Variants in RALYL observed in about 807,000 individuals in gnomAD.
The protein encoded by RALYL is RALY RNA binding protein like.
In RALYL, 29 loss-of-function variants were observed where a neutral mutation model predicts 35.1. The ratio of observed to expected loss-of-function variants is 0.83; its 90% CI spans 0.61 to 1.13. The LOEUF is 1.13. RALYL is among the 50% of genes most tolerant of loss of function. The pLI is 0.00. For synonymous variants in RALYL, 120 were observed against 127.6 expected (o/e 0.94, Z 0.40); for missense variants, 359 against 360.4 (o/e 1.00, Z 0.03).
chr8:84,431,819 C>A (rs1036683204), intron 1 of RALYL, among the ~76,000 whole-genome samples: 12 of 152,082 alleles, frequency 7.9e-5, no homozygotes, highest in Non-Finnish European at 1.3e-4. Flanking sequence ...GATTTCATAT[C>A]TTGGCTAATG....
At chr8:84,308,637 C>T (rs1457984416) in intron 1 of RALYL, among the ~76,000 whole-genome samples, 1 of 152,044 alleles carries the variant, frequency 6.6e-6, no homozygotes, top group Non-Finnish European at 1.5e-5. Context: ...AATTGTATTA[C>T]CCCATGGATT....
intron 2 of RALYL, among the ~76,000 whole-genome samples, chr8:84,663,613 G>T (rs965069028): frequency 6.6e-6 from 1 of 152,056 alleles, no homozygotes; most frequent in African/African-American, 2.4e-5. Flanking sequence ...CTGCATGCAT[G>T]TCTTCTTTTG....
intron 3 of RALYL, among the ~76,000 whole-genome samples, chr8:84,776,365 T>G (rs1816844944): frequency 6.6e-6 from 1 of 152,206 alleles, no homozygotes; most frequent in African/African-American, 2.4e-5. Context: ...ATAATTTCTC[T>G]TATTTTGGTT....
chr8:84,438,037 G>A (rs917214966), intron 1 of RALYL, among the ~76,000 whole-genome samples: 14 of 152,138 alleles, frequency 9.2e-5, no homozygotes, highest in Admixed American at 9.2e-4. Context: ...TCCTGTATTT[G>A]TTGGCCATTG....
chr8:84,802,602 AAAAG>A (rs139199262), intron 3 of RALYL, among the ~76,000 whole-genome samples: 1 of 152,158 alleles, frequency 6.6e-6, no homozygotes, highest in Admixed American at 6.5e-5. Flanking sequence ...CCTTCAAAAA[AAAAG>A]AGAGAGAGAG....
chr8:84,722,797 T>C (rs894424684), intron 2 of RALYL, among the ~76,000 whole-genome samples: 1 of 149,462 alleles, frequency 6.7e-6, no homozygotes, highest in Non-Finnish European at 1.5e-5. Flanking sequence ...GATATATACA[T>C]ATATATATAT....
At chr8:84,296,801 A>G (rs1001331688) in intron 1 of RALYL, among the ~76,000 whole-genome samples, 13 of 151,956 alleles carry the variant, frequency 8.6e-5, no homozygotes, top group Non-Finnish European at 1.6e-4. Context: ...TGGTGGGGAC[A>G]TGCATACACT....
chr8:84,784,740 T>C (rs1185399937), intron 3 of RALYL, among the ~76,000 whole-genome samples: 1 of 152,118 alleles, frequency 6.6e-6, no homozygotes, highest in Admixed American at 6.6e-5. Flanking sequence ...TTATAAGTAC[T>C]AGAAGTGAAG....
intron 1 of RALYL, among the ~76,000 whole-genome samples, chr8:84,260,587 T>TA (rs1197824339): frequency 6.6e-6 from 1 of 152,162 alleles, no homozygotes; most frequent in Non-Finnish European, 1.5e-5. Flanking sequence ...GTCAAGTCAC[T>TA]AGCCCAGCTC....
intron 1 of RALYL, among the ~76,000 whole-genome samples, chr8:84,403,809 C>T (rs1023110856): frequency 1.3e-5 from 2 of 151,970 alleles, no homozygotes; most frequent in Non-Finnish European, 2.9e-5. Flanking sequence ...TTCTTCCTAT[C>T]CATGAGCATG....
chr8:84,290,503 G>T (rs2132219209), intron 1 of RALYL, among the ~76,000 whole-genome samples: 1 of 151,708 alleles, frequency 6.6e-6, no homozygotes, highest in Middle Eastern at 3.4e-3. Flanking sequence ...AGGAGTGGGG[G>T]GTCACAAGGT....
intron 2 of RALYL, among the ~76,000 whole-genome samples, chr8:84,689,776 G>A (rs1837630111): frequency 6.6e-6 from 1 of 152,142 alleles, no homozygotes; most frequent in African/African-American, 2.4e-5. Context: ...CATTCTAACT[G>A]GTGTGAGATG....
At chr8:84,513,295 C>G (rs376013091) in intron 1 of RALYL, among the ~76,000 whole-genome samples, 1 of 151,784 alleles carries the variant, frequency 6.6e-6, no homozygotes, top group Admixed American at 6.6e-5. Flanking sequence ...CTATTGCTTT[C>G]TTTGATTTAT....
At chr8:84,324,715 A>G (rs1189923267) in intron 1 of RALYL, among the ~76,000 whole-genome samples, 3 of 151,708 alleles carry the variant, frequency 2.0e-5, no homozygotes, top group Admixed American at 6.6e-5. Flanking sequence ...GCTTCCCAAA[A>G]TCCTGCTCCC....
intron 1 of RALYL, among the ~76,000 whole-genome samples, chr8:84,318,771 T>C (rs1016997740): frequency 1.3e-5 from 2 of 152,196 alleles, no homozygotes; most frequent in African/African-American, 4.8e-5. Flanking sequence ...ATGTAGTTTT[T>C]GTCATCATAA....
chr8:84,297,277 G>A (rs1445855468), intron 1 of RALYL, among the ~76,000 whole-genome samples: 2 of 151,868 alleles, frequency 1.3e-5, no homozygotes, highest in African/African-American at 4.8e-5. Context: ...TCAATATTTG[G>A]TTCCCACTTA....
intron 4 of RALYL, among the ~76,000 whole-genome samples, chr8:84,834,807 T>C (rs747205024): frequency 2.0e-5 from 3 of 152,228 alleles, no homozygotes; most frequent in Non-Finnish European, 2.9e-5. Context: ...ACTTTACTTT[T>C]CTACAGAAAG....
chr8:84,560,677 A>G (rs2061419107), intron 2 of RALYL, among the ~76,000 whole-genome samples: 1 of 151,964 alleles, frequency 6.6e-6, no homozygotes, highest in South Asian at 2.1e-4. Flanking sequence ...AAATTATTGT[A>G]TCAGTGGCAA....
intron 8 of RALYL, among the ~76,000 whole-genome samples, chr8:84,896,141 G>A (rs1200485271): frequency 6.6e-6 from 1 of 152,148 alleles, no homozygotes; most frequent in Admixed American, 6.5e-5. Flanking sequence ...GTGAGAACCA[G>A]TATGACTCTC....
Sources: allele counts gnomAD v4.1 joint callset (sites outside exome capture counted in the v4.1 genomes callset), GRCh38; gene constraint gnomAD v4.1.1; transcripts MANE v1.5; gene names NCBI Gene and HGNC (gene_info 2026-07-23, HGNC 2026-07-21).